The following CHRM3 variants were observed in gnomAD, a reference collection of about 807,000 sequenced individuals.
CHRM3 encodes muscarinic acetylcholine receptor M3.
In CHRM3, 11 loss-of-function variants were observed where a neutral mutation model predicts 41.8. That is an observed-to-expected ratio of 0.26 (90% CI 0.17 to 0.44). The LOEUF (loss-of-function observed/expected upper bound fraction) is 0.44. CHRM3 is among the 20% of genes least tolerant of loss of function. CHRM3 has a pLI of 1.00. For missense variants in CHRM3, 571 were observed against 745.4 expected, an observed-to-expected ratio of 0.77 and a Z score of 2.72; for synonymous variants, 297 against 301.4, an observed-to-expected ratio of 0.99 and a Z score of 0.15.
chr1:239,659,151 C>G (rs1421672780), intron 4 of CHRM3, among the ~76,000 whole-genome samples: 5 of 152,166 alleles, frequency 3.3e-5, no homozygotes, highest in Admixed American at 1.3e-4. Flanking sequence ...TGAGTTCCAA[C>G]AACTTCTGCT....
chr1:239,641,861 T>C (rs368322633), intron 4 of CHRM3, among the ~76,000 whole-genome samples: 1 of 128,116 alleles, frequency 7.8e-6, no homozygotes. Context: ...TTCCTAGTCT[T>C]GATGGTCTTT....
chr1:239,897,276 G>C (rs1198300491), intron 6 of CHRM3, among the ~76,000 whole-genome samples: 1 of 151,958 alleles, frequency 6.6e-6, no homozygotes, highest in Non-Finnish European at 1.5e-5. Context: ...AACATGTCCA[G>C]ATATAAAAAT....
chr1:239,432,105 T>C (rs1258707168), intron 1 of CHRM3, among the ~76,000 whole-genome samples: 6 of 152,112 alleles, frequency 3.9e-5, no homozygotes, highest in Non-Finnish European at 8.8e-5. Context: ...GGTTTGTAGA[T>C]AGGAGTATGT....
intron 5 of CHRM3, among the ~76,000 whole-genome samples, chr1:239,797,852 A>G (rs528063126): frequency 6.6e-6 from 1 of 152,238 alleles, no homozygotes; most frequent in African/African-American, 2.4e-5. Flanking sequence ...GTTAGAGGTC[A>G]GCGTGGCCAA....
chr1:239,860,059 C>T (rs1675510131), intron 6 of CHRM3, among the ~76,000 whole-genome samples: 1 of 151,972 alleles, frequency 6.6e-6, no homozygotes, highest in African/African-American at 2.4e-5. Flanking sequence ...AGGAAGCACC[C>T]ATTCTCTAAA....
chr1:239,483,726 G>C (rs1315327945), intron 1 of CHRM3, among the ~76,000 whole-genome samples: 1 of 152,170 alleles, frequency 6.6e-6, no homozygotes, highest in African/African-American at 2.4e-5. Context: ...TAAGTAAACA[G>C]AAAGTGGTGT....
intron 1 of CHRM3, among the ~76,000 whole-genome samples, chr1:239,485,241 C>G (rs1667109961): frequency 6.6e-6 from 1 of 152,232 alleles, no homozygotes; most frequent in Admixed American, 6.5e-5. Context: ...AGGGGAGACC[C>G]TACTCAGCTC....
chr1:239,658,454 G>T (rs377588431), intron 4 of CHRM3, among the ~76,000 whole-genome samples: 8 of 152,306 alleles, frequency 5.3e-5, no homozygotes, highest in African/African-American at 1.9e-4. Context: ...TGAGGCCAGG[G>T]AGTTGCCATG....
At chr1:239,582,945 T>G (rs1365403167) in intron 3 of CHRM3, among the ~76,000 whole-genome samples, 1 of 152,208 alleles carries the variant, frequency 6.6e-6, no homozygotes, top group Non-Finnish European at 1.5e-5. Context: ...TAGAAGCTAC[T>G]CTGCCTCTTC....
intron 5 of CHRM3, among the ~76,000 whole-genome samples, chr1:239,809,482 G>GT (rs1449310206): frequency 6.6e-6 from 1 of 151,574 alleles, no homozygotes; most frequent in South Asian, 2.1e-4. Flanking sequence ...TCCACTTACT[G>GT]TTTTTTTATT....
chr1:239,565,119 A>T (rs1207533545), intron 3 of CHRM3, among the ~76,000 whole-genome samples: 1 of 152,148 alleles, frequency 6.6e-6, no homozygotes, highest in African/African-American at 2.4e-5. Flanking sequence ...TCTTATGAGG[A>T]TACACGTGAT....
chr1:239,830,300 T>C (rs1221117941), intron 6 of CHRM3, among the ~76,000 whole-genome samples: 1 of 152,238 alleles, frequency 6.6e-6, no homozygotes, highest in Non-Finnish European at 1.5e-5. Flanking sequence ...TTACATTCTT[T>C]ACCTCTCCAC....
intron 6 of CHRM3, among the ~76,000 whole-genome samples, chr1:239,869,263 T>A (rs946963792): frequency 1.3e-5 from 2 of 152,126 alleles, no homozygotes; most frequent in Non-Finnish European, 2.9e-5. Flanking sequence ...TCAGGAGTTC[T>A]TGGAGGAAGA....
rs143204192 is a variant in CHRM3, at chr1:239,612,534, A to T, written c.-312-19690A>T. ...AGCAATCAAATCCACAGATAAATAG[A>T]CACCGGCCTGTTCTCACTGCTTGCC... On this transcript the variant is annotated intron_variant, in intron 3 of 6. Transcript: ENST00000676153. Among the ~76,000 whole-genome samples the T allele has an allele frequency of 2.1e-3, 321 of 152,328 alleles. 4 individuals are homozygous for T. The Middle Eastern group carries it at 0.027, about 13-fold the overall frequency.
intron 5 of CHRM3, among the ~76,000 whole-genome samples, chr1:239,785,343 G>C (rs79176740): frequency 6.6e-6 from 1 of 152,180 alleles, no homozygotes. Context: ...ATTAAACCCG[G>C]TTATGTGACT....
At chr1:239,529,775 T>A (rs568225573) in intron 2 of CHRM3, among the ~76,000 whole-genome samples, 1 of 152,320 alleles carries the variant, frequency 6.6e-6, no homozygotes, top group East Asian at 1.9e-4. Flanking sequence ...TCTTCAGACG[T>A]TACTCTATGC....
chr1:239,857,972 G>T (rs759412934), intron 6 of CHRM3, among the ~76,000 whole-genome samples: 1 of 152,008 alleles, frequency 6.6e-6, no homozygotes, highest in Non-Finnish European at 1.5e-5. Context: ...GGAATTAATT[G>T]ACATATATTA....
intron 3 of CHRM3, among the ~76,000 whole-genome samples, chr1:239,583,152 CG>C (rs1663062829): frequency 6.6e-6 from 1 of 152,128 alleles, no homozygotes; most frequent in Admixed American, 6.5e-5. Flanking sequence ...CTTGAAAGAG[CG>C]AAATTCTGTG....
intron 1 of CHRM3, among the ~76,000 whole-genome samples, chr1:239,461,518 G>A (rs1572383008): frequency 1.3e-5 from 2 of 151,750 alleles, no homozygotes; most frequent in Admixed American, 1.3e-4. Flanking sequence ...GCTCCTTTAC[G>A]TGTATCTTCC....
Sources: gnomAD v4.1 joint callset for allele counts (sites outside exome capture counted in the v4.1 genomes callset) on GRCh38, gnomAD v4.1.1 for gene constraint, MANE v1.5 for transcripts, NCBI Gene and HGNC (gene_info 2026-07-23, HGNC 2026-07-21) for gene names.